The following ERI3 variants were observed in gnomAD, a reference collection of about 807,000 sequenced individuals.
ERI3 encodes ERI1 exoribonuclease family member 3.
ERI3 carries 18 observed loss-of-function variants against 44.4 expected under a neutral mutation model. The observed-to-expected ratio is 0.41, with a 90% CI of 0.28 to 0.60. The LOEUF (loss-of-function observed/expected upper bound fraction) is 0.60. ERI3 is among the 20% of genes least tolerant of loss of function. The pLI is 0.36. For missense variants in ERI3, 294 were observed against 435.5 expected, an observed-to-expected ratio of 0.68 and a Z score of 2.89; for synonymous variants, 183 against 164.8, an observed-to-expected ratio of 1.11 and a Z score of -0.84.
At chr1:44,234,314 C>A (rs1644255112) in intron 8 of ERI3, among the ~76,000 whole-genome samples, 1 of 152,196 alleles carries the variant, frequency 6.6e-6, no homozygotes, top group Admixed American at 6.5e-5. Flanking sequence ...AGTGCCCCTG[C>A]CAATCTTTCT....
intron 3 of ERI3, chr1:44,322,799 G>A: frequency 6.5e-7 from 1 of 1,550,202 alleles, no homozygotes. Context: ...CCCAGTAGTG[G>A]GAGAGGTGCC....
intron 6 of ERI3, among the ~76,000 whole-genome samples, chr1:44,306,738 G>A (rs1214785159): frequency 2.0e-5 from 3 of 152,226 alleles, no homozygotes; most frequent in African/African-American, 7.2e-5. Context: ...GTCTGTGTTT[G>A]GAAGGTGAAG....
chr1:44,342,857 A>ATTTT (rs141853065), intron 2 of ERI3, among the ~76,000 whole-genome samples: 2 of 19,176 alleles, frequency 1.0e-4, no homozygotes, highest in African/African-American at 2.0e-4. Context: ...ATATATATAT[A>ATTTT]TTTTTTTTTT....
intron 2 of ERI3, among the ~76,000 whole-genome samples, chr1:44,342,732 G>A (rs1395522421): frequency 2.2e-5 from 3 of 134,842 alleles, no homozygotes; most frequent in Non-Finnish European, 4.7e-5. Context: ...CTGCAGCCTC[G>A]AACTCCCACG....
At position 44,254,564 on chromosome 1, in the gene ERI3, T is replaced by C. The variant is rs1644745126; in HGVS notation, c.832-6526A>G. Among the ~76,000 whole-genome samples, 3 of 152,124 alleles carry C rather than the reference T, an allele frequency of 2.0e-5. No individual in the cohort carries two copies. The South Asian group carries it at 6.2e-4, about 32-fold the overall frequency. On this transcript the variant is annotated intron_variant, in intron 7 of 8. Transcript: ENST00000372257. ...AAAACCCCAACCATGACTCCATTTC[T>C]CCACACTTGCTCTTGAGCTCAACAA...
intron 7 of ERI3, among the ~76,000 whole-genome samples, chr1:44,250,220 G>A (rs1027068484): frequency 2.0e-5 from 3 of 152,214 alleles, no homozygotes; most frequent in Non-Finnish European, 4.4e-5. Flanking sequence ...AGGTGCTGCC[G>A]CTTCCCAGCT....
chr1:44,338,910 C>T (rs903652172), intron 3 of ERI3, 135 bp downstream of exon 3: 1 of 1,119,788 alleles, frequency 8.9e-7, no homozygotes, highest in Non-Finnish European at 1.3e-6. Flanking sequence ...GTCCTGCTTC[C>T]TAGACAGGAA....
At chr1:44,286,368 G>C (rs1645394405) in intron 6 of ERI3, among the ~76,000 whole-genome samples, 1 of 152,160 alleles carries the variant, frequency 6.6e-6, no homozygotes, top group African/African-American at 2.4e-5. Context: ...GAGGTGCCTA[G>C]TTTGAGGCAC....
chr1:44,263,627 C>T (rs2154320425), intron 7 of ERI3, among the ~76,000 whole-genome samples: 1 of 152,354 alleles, frequency 6.6e-6, no homozygotes, highest in South Asian at 2.1e-4. Flanking sequence ...TCCTGGACAG[C>T]TTCCCCGGGG....
chr1:44,328,058 T>C (rs1646350747), intron 3 of ERI3, among the ~76,000 whole-genome samples: 1 of 152,178 alleles, frequency 6.6e-6, no homozygotes, highest in Non-Finnish European at 1.5e-5. Context: ...GGACTGCTGA[T>C]CTCTTCACAG....
In ERI3 at chr1:44,301,104, C is replaced by T. The variant is rs1645716873; in HGVS notation, c.758+7206G>A. On this transcript the variant is annotated intron_variant, in intron 6 of 8. Coordinates refer to ENST00000372257, the MANE Select transcript of ERI3 (RefSeq NM_024066.3). Reference sequence around the variant, plus strand: ...GCAGGGAGAGATTTATATCGAGTGACTTGGATTAGCTGCAGCTGAAACATG... The same window carrying T: ...GCAGGGAGAGATTTATATCGAGTGATTTGGATTAGCTGCAGCTGAAACATG... 3.3e-5 allele frequency among the ~76,000 whole-genome samples: 5 copies of T among 152,154 alleles called. No homozygotes were observed. In the South Asian group the frequency reaches 1.0e-3, roughly 32 times the overall value.
intron 7 of ERI3, among the ~76,000 whole-genome samples, chr1:44,273,737 TG>T (rs1645129946): frequency 2.0e-5 from 3 of 152,250 alleles, no homozygotes; most frequent in Admixed American, 2.0e-4. Context: ...CTACCAGAGA[TG>T]GGGGAACATC....
At chr1:44,338,452 G>A (rs1646579426) in intron 3 of ERI3, among the ~76,000 whole-genome samples, 1 of 152,228 alleles carries the variant, frequency 6.6e-6, no homozygotes, top group South Asian at 2.1e-4. Flanking sequence ...AAGAGCCTCA[G>A]TTCCTACACA....
At chr1:44,342,704 C>T (rs1431497340) in intron 2 of ERI3, among the ~76,000 whole-genome samples, 2 of 144,774 alleles carry the variant, frequency 1.4e-5, no homozygotes, top group African/African-American at 2.6e-5. Flanking sequence ...TGCAGTGCAG[C>T]GGCACAATCA....
At chr1:44,332,169 T>G (rs549868440) in intron 3 of ERI3, among the ~76,000 whole-genome samples, 1 of 152,292 alleles carries the variant, frequency 6.6e-6, no homozygotes, top group African/African-American at 2.4e-5. Context: ...GGCGGTTTTT[T>G]TATGTCCAAC....
intron 8 of ERI3, chr1:44,242,021 C>G: frequency 1.0e-6 from 1 of 985,706 alleles, no homozygotes; most frequent in Non-Finnish European, 1.2e-6. Flanking sequence ...GGGGTCAGCT[C>G]AGGAAGGAAG....
chr1:44,352,337 C>G (rs1422446593), intron 2 of ERI3, among the ~76,000 whole-genome samples: 1 of 152,318 alleles, frequency 6.6e-6, no homozygotes, highest in South Asian at 2.1e-4. Context: ...GTAGCTCCAG[C>G]TACTTGTGGG....
chr1:44,264,355 C>T (rs749115725), intron 7 of ERI3, among the ~76,000 whole-genome samples: 1 of 152,180 alleles, frequency 6.6e-6, no homozygotes, highest in Non-Finnish European at 1.5e-5. Context: ...CGTTCTGCCC[C>T]CCTCTTGGCG....
At chr1:44,227,854 T>C (rs530471985) in intron 8 of ERI3, among the ~76,000 whole-genome samples, 1 of 152,308 alleles carries the variant, frequency 6.6e-6, no homozygotes, top group Non-Finnish European at 1.5e-5. Flanking sequence ...ATCTTTGTTT[T>C]GGTTTCTTCT....
Sources: allele counts gnomAD v4.1 joint callset (sites outside exome capture counted in the v4.1 genomes callset), GRCh38; gene constraint gnomAD v4.1.1; transcripts MANE v1.5; gene names NCBI Gene and HGNC (gene_info 2026-07-23, HGNC 2026-07-21).